The following SEMA6A variants were observed in gnomAD, a reference collection of about 807,000 sequenced individuals.
The protein encoded by SEMA6A is semaphorin-6A.
SEMA6A carries 25 observed loss-of-function variants against 96.8 expected under a neutral mutation model. The ratio of observed to expected loss-of-function variants is 0.26; its 90% CI spans 0.19 to 0.36. The LOEUF (loss-of-function observed/expected upper bound fraction) is 0.36, where lower values mean the gene tolerates loss of function less well. Among genes scored for constraint, SEMA6A ranks in the 10% least tolerant of loss-of-function variants. SEMA6A has a pLI of 1.00. For missense variants in SEMA6A, 1,363 were observed against 1,323.1 expected, an observed-to-expected ratio of 1.03 and a Z score of -0.47; for synonymous variants, 612 against 518.0, an observed-to-expected ratio of 1.18 and a Z score of -2.46.
chr5:116,482,993 G>C (rs1756865564), intron 10 of SEMA6A, among the ~76,000 whole-genome samples: 1 of 152,146 alleles, frequency 6.6e-6, no homozygotes, highest in Non-Finnish European at 1.5e-5. Context: ...CTCTCCCATT[G>C]TCCACATATT....
At chr5:116,538,795 T>A (rs1759835999) in intron 1 of SEMA6A, among the ~76,000 whole-genome samples, 1 of 151,554 alleles carries the variant, frequency 6.6e-6, no homozygotes, top group Non-Finnish European at 1.5e-5. Context: ...CATCACCTTG[T>A]CACCATCACC....
intron 1 of SEMA6A, among the ~76,000 whole-genome samples, chr5:116,542,841 T>G (rs1760030676): frequency 6.6e-6 from 1 of 152,218 alleles, no homozygotes; most frequent in African/African-American, 2.4e-5. Context: ...CTATTCTGTT[T>G]GCTTCACTTC....
intron 4 of SEMA6A, 94 bp downstream of exon 4, chr5:116,497,232 TA>T: frequency 1.4e-6 from 1 of 715,296 alleles, no homozygotes; most frequent in South Asian, 2.0e-5. Context: ...AAATTATGAT[TA>T]GCTACATCAT....
intron 1 of SEMA6A, among the ~76,000 whole-genome samples, chr5:116,513,191 G>T (rs1320723291): frequency 6.6e-6 from 1 of 151,880 alleles, no homozygotes; most frequent in South Asian, 2.1e-4. Flanking sequence ...GTAATGGCGC[G>T]ATCTCGGCTC....
chr5:116,475,842 A>C (rs1021077810), intron 15 of SEMA6A, among the ~76,000 whole-genome samples: 1 of 152,206 alleles, frequency 6.6e-6, no homozygotes, highest in African/African-American at 2.4e-5. Context: ...TCAGGGAGAT[A>C]ATTAGCTTGC....
rs1224819292 is a variant in SEMA6A at position 116,574,702 on chromosome 5, G to A, written c.-556C>T. On this transcript the variant is annotated 5_prime_UTR_variant, in exon 1 of 19. Coordinates refer to ENST00000343348, the MANE Select transcript of SEMA6A (RefSeq NM_020796.5). The stretch of plus-strand genomic sequence containing the variant: ...GGCCGCTGCTACACGCTGCTAAGCG[G>A]GCATCGCGGGCGACCGGCACCGCGG... 6.6e-6 allele frequency: 1 copy of A among 152,324 alleles called. No homozygotes were observed. Among genetic ancestry groups the A allele is most frequent in the African/African-American group, 2.4e-5 (1 of 41,464 alleles). The allele number at this position is 152,324 out of a possible 1,614,324, so 9.4% of individuals were successfully genotyped here.
intron 15 of SEMA6A, among the ~76,000 whole-genome samples, chr5:116,477,073 G>C (rs1482306324): frequency 6.6e-6 from 1 of 152,228 alleles, no homozygotes; most frequent in South Asian, 2.1e-4. Flanking sequence ...AGAAATGGCT[G>C]TGTTGAAGAA....
intron 1 of SEMA6A, among the ~76,000 whole-genome samples, chr5:116,513,142 C>G (rs1203757793): frequency 6.6e-6 from 1 of 151,206 alleles, no homozygotes; most frequent in Non-Finnish European, 1.5e-5. Context: ...TTTTTTTTCC[C>G]CCGCGACGGA....
rs753483420 is a variant in SEMA6A at position 116,557,444 on chromosome 5, TCAAGC to T, written c.-39+16736_-39+16740del. On this transcript the variant is annotated intron_variant, in intron 1 of 18. Transcript: ENST00000343348. ...CCAGGCTTGTCTCAAACTCCCGGCC[TCAAGC>T]CATTGGCCTGCTTTGGCCTCGCAAA... Among the ~76,000 whole-genome samples the T allele has an allele frequency of 2.0e-4, 31 of 152,356 alleles. No individual in the cohort carries two copies. In the East Asian group the frequency reaches 2.9e-3, roughly 14 times the overall value.
Position 116,520,874 on chromosome 5 carries a change from A to G in SEMA6A, c.-38-15892T>C, listed in dbSNP as rs1308193805. On this transcript the variant is annotated intron_variant, in intron 1 of 18. Transcript: ENST00000343348. ...CTTTCCTCCCACGTAGTGAGGAAGTACTGTTCAGAGCAGGAAGCCACAGAT... is the reference window on the plus strand; with the variant it reads ...CTTTCCTCCCACGTAGTGAGGAAGTGCTGTTCAGAGCAGGAAGCCACAGAT... 1.1e-4 allele frequency among the ~76,000 whole-genome samples: 16 copies of G among 152,156 alleles called. 1 individual carries two copies. Among genetic ancestry groups the G allele is most frequent in the Non-Finnish European group, 1.8e-4 (12 of 68,026 alleles).
In SEMA6A at chr5:116,467,649, G is replaced by A; in HGVS notation, c.1828C>T (p.Leu610Phe). The A allele has an allele frequency of 1.2e-6, 2 of 1,613,650 alleles. No homozygotes were observed. Among genetic ancestry groups the A allele is most frequent in the Middle Eastern group, 1.7e-4 (1 of 6,058 alleles). ...RGGMLDWKHL[L>F]DSPDSTDPLG... ...GGGTCTGTGCTGTCAGGTGAGTCAA[G>A]CAGATGCTTCCAGTCCAGCATTCCT... is the stretch of plus-strand genomic sequence containing the variant. Residue 610 changes from leucine to phenylalanine, a missense_variant, in exon 18 of 19, where the codon CTT (leucine) becomes TTT (phenylalanine). Around this residue, in one of 2 missense-constraint regions of SEMA6A, gnomAD observed 883 missense variants for 763.6 expected, o/e 1.16. Transcript: ENST00000343348.
chr5:116,460,575 T>G (rs1276535937), intron 18 of SEMA6A, among the ~76,000 whole-genome samples: 1 of 152,172 alleles, frequency 6.6e-6, no homozygotes, highest in Non-Finnish European at 1.5e-5. Context: ...TCCTATGCAA[T>G]ATTTGCGGTA....
At chr5:116,519,664 TAC>T (rs72233200) in intron 1 of SEMA6A, among the ~76,000 whole-genome samples, 3,600 of 146,100 alleles carry the variant, frequency 0.025, 119 homozygotes, top group African/African-American at 0.071. Flanking sequence ...ATGCTGTGTG[TAC>T]ACACACACAC....
chr5:116,497,641 C>T (rs1380756989), intron 3 of SEMA6A, among the ~76,000 whole-genome samples: 3 of 152,198 alleles, frequency 2.0e-5, no homozygotes, highest in Admixed American at 6.5e-5. Flanking sequence ...CTCTCTGACA[C>T]TAGAACTATA....
intron 7 of SEMA6A, 91 bp downstream of exon 7, chr5:116,491,649 C>G: frequency 1.1e-6 from 1 of 931,938 alleles, no homozygotes; most frequent in East Asian, 2.4e-5. Flanking sequence ...CAAAGCACAA[C>G]TGTGACTCCA....
In SEMA6A at chr5:116,475,752, A is replaced by C. The variant is rs146100621; in HGVS notation, c.1650-149T>G. The C allele has an allele frequency of 7.3e-4, 403 of 553,218 alleles. 1 individual carries two copies. The highest frequency in any genetic ancestry group is 1.3e-3 in the African/African-American group (68 of 52,540). 34.3% of individuals were successfully genotyped at this position (553,218 alleles called of 1,614,324 possible). Reference sequence around the variant, plus strand: ...GAAATACATAACAGCTTTAAAATTTATCTCTGAAGTTTATAGAAACGAGTC... The same window carrying C: ...GAAATACATAACAGCTTTAAAATTTCTCTCTGAAGTTTATAGAAACGAGTC... On this transcript the variant is annotated intron_variant, in intron 15 of 18. Transcript: ENST00000343348.
intron 17 of SEMA6A, 41 bp from the exon 18 acceptor site, chr5:116,467,788 G>A: frequency 4.4e-6 from 7 of 1,606,160 alleles, no homozygotes; most frequent in Non-Finnish European, 6.0e-6. Flanking sequence ...CATCACCAGA[G>A]AGACCCACAT....
intron 3 of SEMA6A, among the ~76,000 whole-genome samples, chr5:116,501,453 G>A (rs1002411295): frequency 6.6e-6 from 1 of 151,894 alleles, no homozygotes; most frequent in Non-Finnish European, 1.5e-5. Context: ...TGCTTTCTTT[G>A]GTTGTCATTG....
At chr5:116,548,850 C>T (rs780389307) in intron 1 of SEMA6A, among the ~76,000 whole-genome samples, 1 of 152,172 alleles carries the variant, frequency 6.6e-6, no homozygotes, top group Non-Finnish European at 1.5e-5. Context: ...ATGAATGCTG[C>T]CTTGGAAACT....
Sources: allele counts gnomAD v4.1 joint callset (sites outside exome capture counted in the v4.1 genomes callset), GRCh38; gene constraint gnomAD v4.1.1; regional missense constraint gnomAD v4.1.1; transcripts MANE v1.5; gene names NCBI Gene and HGNC (gene_info 2026-07-23, HGNC 2026-07-21).